Variants in MEGF9 observed in about 807,000 individuals in gnomAD.
MEGF9 encodes the protein multiple epidermal growth factor-like domains protein 9.
In MEGF9, 6 loss-of-function variants were observed where a neutral mutation model predicts 46.8. That is an observed-to-expected ratio of 0.13 (90% CI 0.07 to 0.25). MEGF9 has a LOEUF of 0.25. Among genes scored for constraint, MEGF9 ranks in the 10% least tolerant of loss-of-function variants. The pLI, the probability that MEGF9 is intolerant of heterozygous loss-of-function variation, is 1.00. For synonymous variants in MEGF9, 302 were observed against 330.7 expected, an observed-to-expected ratio of 0.91 and a Z score of 0.94; for missense variants, 683 against 792.4, an observed-to-expected ratio of 0.86 and a Z score of 1.66.
At chr9:120,628,468 GTTTTTTT>G (rs1170322238) in intron 2 of MEGF9, among the ~76,000 whole-genome samples, 7 of 69,032 alleles carry the variant, frequency 1.0e-4, no homozygotes, top group South Asian at 5.9e-4. Flanking sequence ...TCTTGTCGTT[GTTTTTTT>G]TTTTTTTTTT....
At chr9:120,678,881 T>C (rs1057054866) in intron 1 of MEGF9, among the ~76,000 whole-genome samples, 1 of 152,160 alleles carries the variant, frequency 6.6e-6, no homozygotes, top group Non-Finnish European at 1.5e-5. Flanking sequence ...AAAAGGCTCA[T>C]CATCACTGGC....
Position 120,685,120 on chromosome 9 carries a change from C to T in MEGF9, c.602-25545G>A, listed in dbSNP as rs192184738. 1.4e-3 allele frequency among the ~76,000 whole-genome samples: 216 copies of T among 152,318 alleles called. 1 individual carries two copies. Among genetic ancestry groups the T allele is most frequent in the African/African-American group, 4.8e-3 (201 of 41,572 alleles). On this transcript the variant is annotated intron_variant, in intron 1 of 5. Transcript: ENST00000373930. ...AAGTGCTGGGATTACAGGCGTAAGC[C>T]ACCACACCCGGCCGGGAGGCTTCAT... is the stretch of plus-strand genomic sequence containing the variant.
intron 2 of MEGF9, among the ~76,000 whole-genome samples, chr9:120,652,183 A>ACACACAC (rs2043654788): frequency 7.9e-6 from 1 of 126,412 alleles, no homozygotes; most frequent in African/African-American, 3.1e-5. Context: ...CACACACACA[A>ACACACAC]AAAAAAAAAA....
chr9:120,682,052 CAAA>C (rs1378740865), intron 1 of MEGF9, among the ~76,000 whole-genome samples: 1 of 152,126 alleles, frequency 6.6e-6, no homozygotes. Flanking sequence ...GCAACAACAA[CAAA>C]AAACACCTAT....
rs2043967553 is a variant in MEGF9, at chr9:120,714,161, G to A, written c.198C>T (p.Pro66=). 12 of 1,235,552 alleles carry A rather than the reference G, an allele frequency of 9.7e-6. No homozygotes were observed. In the South Asian group the frequency reaches 1.6e-4, roughly 16 times the overall value. The allele number at this position is 1,235,552 out of a possible 1,614,324, so 76.5% of individuals were successfully genotyped here. A position where few individuals can be genotyped will look rare whatever the true frequency, so the allele number is the denominator to read the frequency against. ...CCGTGGGAGCCGTCGCCCTAGGGAA[G>A]GGGTGGCTGGGCTCGCCCCGCAACC... ...GPGLRGEPSH[P]FPRATAPTAQ... is the part of the protein sequence containing the mutation. Residue 66 remains proline, a synonymous_variant, in exon 1 of 6, where the codon CCC becomes CCT. Coordinates refer to ENST00000373930, the MANE Select transcript of MEGF9 (RefSeq NM_001080497.3).
chr9:120,672,833 G>A (rs1263125492), intron 1 of MEGF9, among the ~76,000 whole-genome samples: 2 of 152,184 alleles, frequency 1.3e-5, no homozygotes, highest in Admixed American at 6.5e-5. Context: ...AGACCAGCCT[G>A]ACCAACATGG....
intron 2 of MEGF9, among the ~76,000 whole-genome samples, chr9:120,639,508 T>TAAAGAAAAAAAAAAAAAAA: frequency 9.5e-6 from 1 of 105,182 alleles, no homozygotes; most frequent in Non-Finnish European, 1.9e-5. Context: ...ACTCCGTCTT[T>TAAAGAAAAAAAAAAAAAAA]AAAAAAAAAA....
At chr9:120,657,161 G>A (rs2043681014) in intron 2 of MEGF9, among the ~76,000 whole-genome samples, 1 of 152,186 alleles carries the variant, frequency 6.6e-6, no homozygotes, top group African/African-American at 2.4e-5. Context: ...ATAAATGCAT[G>A]GAACTATGTT....
At chr9:120,657,338 T>A (rs1308754509) in intron 2 of MEGF9, among the ~76,000 whole-genome samples, 1 of 152,246 alleles carries the variant, frequency 6.6e-6, no homozygotes, top group Admixed American at 6.5e-5. Context: ...CTTGGTAGCA[T>A]TAACTGTCAG....
chr9:120,697,404 T>A (rs1378123864), intron 1 of MEGF9, among the ~76,000 whole-genome samples: 1 of 151,504 alleles, frequency 6.6e-6, no homozygotes, highest in African/African-American at 2.4e-5. Flanking sequence ...TTTTATATAA[T>A]CAAACGTCAT....
At chr9:120,612,270 C>A in intron 4 of MEGF9, 126 bp downstream of exon 4, 1 of 806,280 alleles carries the variant, frequency 1.2e-6, no homozygotes, top group South Asian at 2.9e-5. Flanking sequence ...GAAAGGAAAA[C>A]TTTTGCTGTT....
chr9:120,645,247 C>T (rs1473516030), intron 2 of MEGF9, among the ~76,000 whole-genome samples: 4 of 152,182 alleles, frequency 2.6e-5, no homozygotes, highest in African/African-American at 9.7e-5. Context: ...GACCGGCTTA[C>T]ACAATGAGAT....
intron 1 of MEGF9, among the ~76,000 whole-genome samples, chr9:120,713,076 G>GA (rs1357706253): frequency 6.6e-6 from 1 of 152,114 alleles, no homozygotes; most frequent in African/African-American, 2.4e-5. Context: ...AATTGTGGAA[G>GA]AAAAAAATGG....
At chr9:120,690,050 C>G (rs1587996961) in intron 1 of MEGF9, 1 of 487,262 alleles carries the variant, frequency 2.1e-6, no homozygotes, top group South Asian at 1.5e-5. Context: ...TCTGCCCACT[C>G]AGATATTTTC....
rs897381065 is a variant in MEGF9, at chr9:120,609,941, G to A, written c.1088-1931C>T. On this transcript the variant is annotated intron_variant, in intron 4 of 5. Transcript: ENST00000373930. Reference sequence around the variant, plus strand: ...GGCTTTGAGATATAATTTATATACCGTAACATTCAACCATTAAAAGTATAC... The same window carrying A: ...GGCTTTGAGATATAATTTATATACCATAACATTCAACCATTAAAAGTATAC... Among the ~76,000 whole-genome samples the A allele has an allele frequency of 7.9e-5, 12 of 152,100 alleles. No homozygotes were observed. In the South Asian group the frequency reaches 1.5e-3, roughly 18 times the overall value.
chr9:120,694,272 G>A (rs2132339766), intron 1 of MEGF9, among the ~76,000 whole-genome samples: 1 of 152,324 alleles, frequency 6.6e-6, no homozygotes, highest in African/African-American at 2.4e-5. Flanking sequence ...ACTTGGCTGT[G>A]ACCTTTGGGC....
chr9:120,701,667 T>A (rs1029312005), intron 1 of MEGF9, among the ~76,000 whole-genome samples: 1 of 152,162 alleles, frequency 6.6e-6, no homozygotes, highest in African/African-American at 2.4e-5. Flanking sequence ...CTATGAACAA[T>A]GCCATGAATT....
At chr9:120,688,928 G>C (rs1422632637) in intron 1 of MEGF9, among the ~76,000 whole-genome samples, 1 of 152,150 alleles carries the variant, frequency 6.6e-6, no homozygotes, top group Non-Finnish European at 1.5e-5. Flanking sequence ...CTAGAGAAAA[G>C]ATTCCTGGCA....
At chr9:120,673,714 T>A (rs1220810955) in intron 1 of MEGF9, among the ~76,000 whole-genome samples, 2 of 151,528 alleles carry the variant, frequency 1.3e-5, no homozygotes, top group Non-Finnish European at 2.9e-5. Flanking sequence ...ACGCCTGCAA[T>A]CCCAGCACTT....
Sources: allele counts gnomAD v4.1 joint callset (sites outside exome capture counted in the v4.1 genomes callset), GRCh38; gene constraint gnomAD v4.1.1; transcripts MANE v1.5; gene names NCBI Gene and HGNC (gene_info 2026-07-23, HGNC 2026-07-21).